Variants in SLC1A2 observed in about 807,000 individuals in gnomAD.
SLC1A2 encodes the protein solute carrier family 1 member 2.
Under a neutral mutation model 48.8 loss-of-function variants are expected in SLC1A2, and 15 were observed. The observed-to-expected ratio is 0.31, with a 90% CI of 0.21 to 0.47. The LOEUF is 0.47. Among genes scored for constraint, SLC1A2 ranks in the 20% least tolerant of loss-of-function variants. The probability of loss-of-function intolerance (pLI) is 0.99; values close to 1 mark genes in which losing one functional copy is unlikely to be tolerated. For synonymous variants in SLC1A2, 279 were observed against 272.6 expected (o/e 1.02, Z -0.23); for missense variants, 502 against 730.5 (o/e 0.69, Z 3.61).
chr11:35,358,238 G>A (rs927641475), intron 1 of SLC1A2, among the ~76,000 whole-genome samples: 8 of 152,092 alleles, frequency 5.3e-5, no homozygotes, highest in African/African-American at 1.7e-4. Flanking sequence ...ACTAGAAGGG[G>A]AATACAACAT....
intron 1 of SLC1A2, among the ~76,000 whole-genome samples, chr11:35,418,027 C>G (rs1485238334): frequency 2.6e-5 from 4 of 152,184 alleles, no homozygotes; most frequent in Non-Finnish European, 4.4e-5. Flanking sequence ...TGGGAATTAA[C>G]CAAAGGGCTG....
rs947019708 is a variant in SLC1A2 at position 35,344,241 on chromosome 11, T to C, written c.18-26725A>G. The stretch of plus-strand genomic sequence containing the variant: ...AGGGAGGTAATAACAAACAATGTCA[T>C]ATGGAATAAGCACTGTAAAGAACAA... On this transcript the variant is annotated intron_variant, in intron 1 of 10. Transcript: ENST00000278379. Among the ~76,000 whole-genome samples, 3 of 152,196 alleles carry C rather than the reference T, an allele frequency of 2.0e-5. No homozygotes were observed. The East Asian group carries it at 5.8e-4, about 29-fold the overall frequency.
At chr11:35,377,450 G>A (rs1453802906) in intron 1 of SLC1A2, among the ~76,000 whole-genome samples, 4 of 152,152 alleles carry the variant, frequency 2.6e-5, no homozygotes, top group East Asian at 3.8e-4. Context: ...CTCTACACCC[G>A]TCATTCCATC....
At chr11:35,275,406 C>T (rs533189214) in intron 9 of SLC1A2, among the ~76,000 whole-genome samples, 1 of 152,242 alleles carries the variant, frequency 6.6e-6, no homozygotes, top group Non-Finnish European at 1.5e-5. Context: ...CCATTTACCA[C>T]TCCATCCTGC....
At chr11:35,395,273 T>C (rs558916981) in intron 1 of SLC1A2, among the ~76,000 whole-genome samples, 1 of 152,236 alleles carries the variant, frequency 6.6e-6, no homozygotes, top group Admixed American at 6.5e-5. Flanking sequence ...GTTTTTTTTT[T>C]TTCTCTTAAC....
At chr11:35,314,326 A>G (rs1422480006) in intron 3 of SLC1A2, among the ~76,000 whole-genome samples, 1 of 152,198 alleles carries the variant, frequency 6.6e-6, no homozygotes, top group African/African-American at 2.4e-5. Context: ...ATCTCCCTCA[A>G]TTCCCAATTA....
chr11:35,378,090 T>C (rs2065030), intron 1 of SLC1A2, among the ~76,000 whole-genome samples: 40,895 of 152,180 alleles, frequency 0.27, 5,572 homozygotes, highest in Middle Eastern at 0.3. Flanking sequence ...ACCCAGCTGA[T>C]TGGTTTTACA....
chr11:35,419,850 A>AGCAGC, upstream of SLC1A2: 1 of 422,114 alleles, frequency 2.4e-6, no homozygotes, highest in South Asian at 1.7e-5. The surrounding 1 kb of genome is among the most constrained non-coding windows in gnomAD (Gnocchi z 5.4). Flanking sequence ...GCCTCCCTGG[A>AGCAGC]GCAGCCCCTG....
At position 35,395,264 on chromosome 11, in the gene SLC1A2, T is replaced by G. The variant is rs77611422; in HGVS notation, c.17+23686A>C. ...ACTTCCTGTCAAAAGTTTAGGAGTGTTTTTTTTTTTTCTCTTAACTTCTGA... is the reference window on the plus strand; with the variant it reads ...ACTTCCTGTCAAAAGTTTAGGAGTGGTTTTTTTTTTTCTCTTAACTTCTGA... On this transcript the variant is annotated intron_variant, in intron 1 of 10. Transcript: ENST00000278379. 8.3e-3 allele frequency among the ~76,000 whole-genome samples: 1,194 copies of G among 143,966 alleles called. 14 individuals carry two copies. Among genetic ancestry groups the G allele is most frequent in the African/African-American group, 0.028 (1,111 of 39,918 alleles). The allele number at this position is 143,966 out of a possible 152,430, so 94.4% of individuals were successfully genotyped here.
At chr11:35,276,289 A>G (rs887954236) in intron 9 of SLC1A2, among the ~76,000 whole-genome samples, 4 of 151,832 alleles carry the variant, frequency 2.6e-5, no homozygotes, top group Non-Finnish European at 5.9e-5. Context: ...TGCCTCTTAG[A>G]CTCTCTTTCC....
chr11:35,307,606 A>G (rs1851552599), intron 4 of SLC1A2, among the ~76,000 whole-genome samples: 1 of 152,260 alleles, frequency 6.6e-6, no homozygotes, highest in Admixed American at 6.5e-5. Flanking sequence ...AACCCCGAAT[A>G]GATACGGAAG....
At position 35,257,843 on chromosome 11, in the gene SLC1A2, A is replaced by G. The variant is rs1445496471; in HGVS notation, c.*3051T>C. The G allele has an allele frequency of 6.6e-6, 1 of 152,246 alleles. No individual in the cohort carries two copies. The allele number at this position is 152,246 out of a possible 1,614,324, so 9.4% of individuals were successfully genotyped here. A position where few individuals can be genotyped will look rare whatever the true frequency, so the allele number is the denominator to read the frequency against. On this transcript the variant is annotated 3_prime_UTR_variant, in exon 11 of 11. Transcript: ENST00000278379. Reference sequence around the variant, plus strand: ...CTGATTTACAGACCTTACAGGATGCAGTGTATGTATGTTTCTGGCCTGCTG... The same window carrying G: ...CTGATTTACAGACCTTACAGGATGCGGTGTATGTATGTTTCTGGCCTGCTG...
chr11:35,351,724 C>T (rs1853261551), intron 1 of SLC1A2, among the ~76,000 whole-genome samples: 1 of 152,214 alleles, frequency 6.6e-6, no homozygotes, highest in South Asian at 2.1e-4. Context: ...CAACCCTCTC[C>T]TCCCAGGCTC....
intron 5 of SLC1A2, among the ~76,000 whole-genome samples, chr11:35,303,346 T>G (rs1851407944): frequency 6.6e-6 from 1 of 152,192 alleles, no homozygotes; most frequent in Non-Finnish European, 1.5e-5. Context: ...ATACTTCACA[T>G]TTAGTATCTC....
Position 35,257,892 on chromosome 11 carries a change from T to C in SLC1A2, c.*3002A>G, listed in dbSNP as rs1029014304. 1.3e-5 allele frequency: 2 copies of C among 152,260 alleles called. No individual in the cohort carries two copies. Among genetic ancestry groups the C allele is most frequent in the Non-Finnish European group, 2.9e-5 (2 of 68,048 alleles). The allele number at this position is 152,260 out of a possible 1,614,324, so 9.4% of individuals were successfully genotyped here. On this transcript the variant is annotated 3_prime_UTR_variant, in exon 11 of 11. Coordinates refer to ENST00000278379, the MANE Select transcript of SLC1A2 (RefSeq NM_004171.4). ...TGTAACTGTATATAAATATAACATT[T>C]ATGCATTATCAAATAGTAACAGACT...
intron 8 of SLC1A2, among the ~76,000 whole-genome samples, chr11:35,283,423 A>T (rs1850705232): frequency 6.6e-6 from 1 of 152,202 alleles, no homozygotes. Context: ...TGTGGTGTCT[A>T]CAATTTAGGA....
At chr11:35,366,468 TG>T (rs776665475) in intron 1 of SLC1A2, among the ~76,000 whole-genome samples, 35 of 152,316 alleles carry the variant, frequency 2.3e-4, no homozygotes, top group Non-Finnish European at 3.8e-4. Flanking sequence ...AAGGTTTGGT[TG>T]TGTAAATATA....
At chr11:35,285,410 A>G (rs1384516048) in intron 8 of SLC1A2, 1 of 152,246 alleles carries the variant, frequency 6.6e-6, no homozygotes. Flanking sequence ...TGGAGTGATT[A>G]TCATCATGGA....
At chr11:35,380,998 T>G (rs1024719177) in intron 1 of SLC1A2, among the ~76,000 whole-genome samples, 3 of 152,202 alleles carry the variant, frequency 2.0e-5, no homozygotes, top group African/African-American at 7.2e-5. Flanking sequence ...GAAAACTCCT[T>G]GACAAACTAA....
Sources: allele counts gnomAD v4.1 joint callset (sites outside exome capture counted in the v4.1 genomes callset), GRCh38; gene constraint gnomAD v4.1.1; non-coding constraint Gnocchi (gnomAD v3.1); transcripts MANE v1.5; gene names NCBI Gene and HGNC (gene_info 2026-07-23, HGNC 2026-07-21).